Variants in DOCK1 observed in about 807,000 individuals in gnomAD.
DOCK1 encodes dedicator of cytokinesis 1, also known as dedicator of cytokinesis protein 1.
DOCK1 carries 138 observed loss-of-function variants against 262.7 expected under a neutral mutation model. The observed-to-expected ratio is 0.53, with a 90% CI of 0.46 to 0.61. The LOEUF is 0.61. Ranked by LOEUF, DOCK1 falls within the 20% of genes least tolerant of loss-of-function variation. DOCK1 has a pLI of 0.00. For missense variants in DOCK1, 1,908 were observed against 2,370.7 expected (o/e 0.80, Z 4.05); for synonymous variants, 866 against 867.4 (o/e 1.00, Z 0.03).
chr10:127,255,355 G>A (rs928541283), intron 28 of DOCK1, among the ~76,000 whole-genome samples: 4 of 152,102 alleles, frequency 2.6e-5, no homozygotes, highest in African/African-American at 4.8e-5. Context: ...AACTAAGATC[G>A]TGCCACTGTA....
chr10:127,218,128 T>C (rs562133287), intron 27 of DOCK1, among the ~76,000 whole-genome samples: 11 of 152,340 alleles, frequency 7.2e-5, no homozygotes, highest in Non-Finnish European at 1.5e-5. Context: ...GGAAAGTAAT[T>C]AATCTCATTA....
At chr10:127,061,463 T>G (rs1382489740) in intron 22 of DOCK1, among the ~76,000 whole-genome samples, 1 of 152,216 alleles carries the variant, frequency 6.6e-6, no homozygotes, top group African/African-American at 2.4e-5. Flanking sequence ...AGGGTCAGCC[T>G]CTGTATGTGG....
At chr10:127,001,202 G>C (rs1322992748) in intron 10 of DOCK1, among the ~76,000 whole-genome samples, 3 of 152,126 alleles carry the variant, frequency 2.0e-5, no homozygotes. Context: ...CCTGATTCTT[G>C]ACACATAGCT....
chr10:127,171,703 AT>A (rs1312731627), intron 27 of DOCK1, among the ~76,000 whole-genome samples: 1 of 151,858 alleles, frequency 6.6e-6, no homozygotes. Flanking sequence ...AGTTCCATTG[AT>A]TTTATTTTTA....
At chr10:127,037,311 T>TA (rs148989854) in intron 18 of DOCK1, among the ~76,000 whole-genome samples, 10 of 152,216 alleles carry the variant, frequency 6.6e-5, no homozygotes, top group East Asian at 5.8e-4. Context: ...ATATTATCTA[T>TA]AAAAAAATAG....
chr10:127,334,521 C>G (rs1565000408), intron 29 of DOCK1, among the ~76,000 whole-genome samples: 1 of 152,122 alleles, frequency 6.6e-6, no homozygotes, highest in Admixed American at 6.5e-5. Flanking sequence ...TTTCTGGAGA[C>G]AGGAATCAAT....
intron 27 of DOCK1, 39 bp from the exon 28 acceptor site, chr10:127,247,969 C>T: frequency 6.3e-7 from 1 of 1,593,816 alleles, no homozygotes; most frequent in Non-Finnish European, 8.6e-7. Context: ...ATGAGTGTTG[C>T]TCTGTCTCAT....
At chr10:126,929,896 G>A (rs1051588233) in intron 1 of DOCK1, among the ~76,000 whole-genome samples, 6,339 of 152,216 alleles carry the variant, frequency 0.042, 383 homozygotes, top group African/African-American at 0.13. Context: ...TGCAGCCACC[G>A]CCACTGCGTA....
chr10:127,162,590 C>T (rs1005083762), intron 27 of DOCK1, among the ~76,000 whole-genome samples: 3 of 152,202 alleles, frequency 2.0e-5, no homozygotes, highest in African/African-American at 7.2e-5. Flanking sequence ...TCCCATTCCC[C>T]TAAAGCCAGG....
chr10:127,411,030 AT>A, intron 43 of DOCK1, 106 bp downstream of exon 43: 2 of 1,096,602 alleles, frequency 1.8e-6, no homozygotes, highest in Non-Finnish European at 2.6e-6. Flanking sequence ...ACGGAGCCAT[AT>A]TAAATGTCTT....
intron 1 of DOCK1, among the ~76,000 whole-genome samples, chr10:126,910,644 C>G (rs1362702069): frequency 6.6e-6 from 1 of 152,212 alleles, no homozygotes; most frequent in African/African-American, 2.4e-5. Flanking sequence ...TCTTGTAAAG[C>G]TGTAGTACAG....
chr10:127,334,759 C>A (rs1014537474), intron 29 of DOCK1, among the ~76,000 whole-genome samples: 3 of 152,154 alleles, frequency 2.0e-5, no homozygotes, highest in African/African-American at 7.2e-5. Flanking sequence ...GCATTTAATT[C>A]TCACAGCATT....
chr10:127,228,678 C>T (rs1472977142), intron 27 of DOCK1, among the ~76,000 whole-genome samples: 2 of 152,220 alleles, frequency 1.3e-5, no homozygotes, highest in Non-Finnish European at 2.9e-5. Context: ...AATAGTCTCG[C>T]AGACCCCTTT....
intron 25 of DOCK1, among the ~76,000 whole-genome samples, chr10:127,121,473 G>GTGTGTGTGTGTGTGTA (rs1456124560): frequency 1.1e-4 from 16 of 151,890 alleles, no homozygotes. Flanking sequence ...GTGTGTGTGT[G>GTGTGTGTGTGTGTGTA]TGTCTATCTG....
At position 127,039,727 on chromosome 10, in the gene DOCK1, A is replaced by G. The variant is rs997410646; in HGVS notation, c.2010+1911A>G. Among the ~76,000 whole-genome samples, 3 of 152,144 alleles carry G rather than the reference A, an allele frequency of 2.0e-5. No homozygotes were observed. The South Asian group carries it at 6.2e-4, about 32-fold the overall frequency. ...CACGGGGCTCCTTTTGCTGATAGGG[A>G]TGCTGATAGATTGTGGGTTTGGTTC... On this transcript the variant is annotated intron_variant, in intron 19 of 51. Coordinates refer to ENST00000623213, the MANE Select transcript of DOCK1 (RefSeq NM_001290223.2).
chr10:127,017,641 G>A (rs2042100393), intron 12 of DOCK1, among the ~76,000 whole-genome samples: 1 of 152,090 alleles, frequency 6.6e-6, no homozygotes, highest in African/African-American at 2.4e-5. Flanking sequence ...ACCCATGCTA[G>A]TAGCAGAAAT....
At chr10:126,935,637 G>A (rs917041992) in intron 1 of DOCK1, among the ~76,000 whole-genome samples, 4 of 152,204 alleles carry the variant, frequency 2.6e-5, no homozygotes, top group Non-Finnish European at 5.9e-5. Flanking sequence ...CTTCCTGTGT[G>A]TTCTGCTGTT....
chr10:126,971,347 C>G (rs537338755), intron 2 of DOCK1, among the ~76,000 whole-genome samples: 7 of 152,110 alleles, frequency 4.6e-5, no homozygotes, highest in Non-Finnish European at 1.0e-4. Flanking sequence ...TCCACTCTGC[C>G]TGGCCAAGTG....
At chr10:126,967,593 G>T (rs903310641) in intron 1 of DOCK1, among the ~76,000 whole-genome samples, 82,279 of 151,758 alleles carry the variant, frequency 0.54, 23,492 homozygotes, top group African/African-American at 0.71. Context: ...GGTGTCAGTG[G>T]CCCATGCTCC....
Sources: allele counts gnomAD v4.1 joint callset (sites outside exome capture counted in the v4.1 genomes callset), GRCh38; gene constraint gnomAD v4.1.1; transcripts MANE v1.5; gene names NCBI Gene and HGNC (gene_info 2026-07-23, HGNC 2026-07-21).